The following RMC1 variants were observed in gnomAD, a reference collection of about 807,000 sequenced individuals.
RMC1 encodes the protein regulator of MON1-CCZ1 complex.
RMC1 carries 44 observed loss-of-function variants against 95.5 expected under a neutral mutation model. The observed-to-expected ratio is 0.46, with a 90% CI of 0.36 to 0.59. The LOEUF is 0.59. Ranked by LOEUF, RMC1 falls within the 20% of genes least tolerant of loss-of-function variation. The pLI, the probability that RMC1 is intolerant of heterozygous loss-of-function variation, is 0.00. For synonymous variants in RMC1, 320 were observed against 303.6 expected (o/e 1.05, Z -0.56); for missense variants, 705 against 819.6 (o/e 0.86, Z 1.71).
chr18:23,521,730 TCA>T (rs1273560871), intron 10 of RMC1, among the ~76,000 whole-genome samples: 1 of 151,588 alleles, frequency 6.6e-6, no homozygotes, highest in African/African-American at 2.4e-5. Context: ...CTTTATTTTC[TCA>T]CAGTTCTGGA....
chr18:23,527,900 T>C lies in RMC1; in HGVS notation c.1295T>C (p.Met432Thr). 3 of 1,612,872 alleles carry C rather than the reference T, an allele frequency of 1.9e-6. No individual in the cohort carries two copies. Among genetic ancestry groups the C allele is most frequent in the Non-Finnish European group, 2.5e-6 (3 of 1,179,162 alleles). Residue 432 changes from methionine (M) to threonine (T), a missense_variant and splice_region_variant, in exon 14 of 20, where the codon ATG becomes ACG. Physicochemically the swap from Met to Thr is moderately conservative, Grantham distance 81. Coordinates refer to ENST00000269221, the MANE Select transcript of RMC1 (RefSeq NM_013326.5). The part of the protein sequence containing the change: ...KYLDAEQSYA[M>T]AVEAGQSRSS... ...CTGGATGCCGAGCAGAGTTATGCGATGGTGAGTTACATGGAGTATGACAAA... is the reference window on the plus strand; with the variant it reads ...CTGGATGCCGAGCAGAGTTATGCGACGGTGAGTTACATGGAGTATGACAAA...
intron 4 of RMC1, among the ~76,000 whole-genome samples, 153 bp from the exon 5 acceptor site, chr18:23,509,040 T>C (rs907474855): frequency 6.6e-6 from 1 of 152,162 alleles, no homozygotes; most frequent in Non-Finnish European, 1.5e-5. Flanking sequence ...CAGGGAACAT[T>C]GTATTTAAAA....
chr18:23,503,613 C>T lies in RMC1; in HGVS notation c.-6C>T. On this transcript the variant is annotated 5_prime_UTR_variant, in exon 1 of 20. Coordinates refer to ENST00000269221, the MANE Select transcript of RMC1 (RefSeq NM_013326.5). ...CGGGGCCCCCGCCGCGGGCGCGGCG[C>T]CCGCCATGGGCGAGGAGGACTACTA... is the stretch of plus-strand genomic sequence containing the variant. 6.5e-7 allele frequency: 1 copy of T among 1,547,212 alleles called. No homozygotes were observed. The highest frequency in any genetic ancestry group is 8.7e-7 in the Non-Finnish European group (1 of 1,147,408).
At chr18:23,504,188 C>A (rs560875952) in intron 1 of RMC1, among the ~76,000 whole-genome samples, 183 bp from the exon 2 acceptor site, 1 of 152,362 alleles carries the variant, frequency 6.6e-6, no homozygotes, top group African/African-American at 2.4e-5. Context: ...GCATCCTTTT[C>A]GCTCTCTGCT....
At chr18:23,524,282 C>T (rs1042317243) in intron 11 of RMC1, 108 bp downstream of exon 11, 12 of 1,502,416 alleles carry the variant, frequency 8.0e-6, no homozygotes, top group Non-Finnish European at 1.1e-5. Context: ...CTCCGAGAGC[C>T]ACCCCGCAGG....
intron 10 of RMC1, among the ~76,000 whole-genome samples, chr18:23,522,024 A>AC (rs1203434113): frequency 1.3e-5 from 2 of 152,144 alleles, no homozygotes; most frequent in Non-Finnish European, 2.9e-5. Flanking sequence ...GGGCGGGTTG[A>AC]CCCAGCCTGC....
chr18:23,510,115 G>C (rs2057813604), intron 5 of RMC1, among the ~76,000 whole-genome samples: 2 of 151,548 alleles, frequency 1.3e-5, no homozygotes, highest in Non-Finnish European at 2.9e-5. Context: ...TTGAGTCCAG[G>C]AGTCTGAGAC....
rs1465876049 is a variant in RMC1 at position 23,516,002 on chromosome 18, A to T, written c.549+6A>T. The T allele has an allele frequency of 3.1e-6, 5 of 1,614,024 alleles. No individual in the cohort carries two copies. The highest frequency in any genetic ancestry group is 4.2e-6 in the Non-Finnish European group (5 of 1,180,018). ...TGCAGCCTTTTCACTTTAGGGTAAG[A>T]GGAAGCCTCCCCTGAAAAAAACACC... On this transcript the variant is annotated splice_donor_region_variant and intron_variant, in intron 6 of 19. Transcript: ENST00000269221.
At chr18:23,512,000 C>T (rs964915695) in intron 5 of RMC1, among the ~76,000 whole-genome samples, 13 of 150,900 alleles carry the variant, frequency 8.6e-5, no homozygotes, top group Non-Finnish European at 1.6e-4. Context: ...ATTTGCCAAC[C>T]TGAGAGGTAG....
At chr18:23,526,511 C>A in intron 12 of RMC1, 126 bp from the exon 13 acceptor site, 1 of 1,124,454 alleles carries the variant, frequency 8.9e-7, no homozygotes, top group Non-Finnish European at 1.3e-6. Context: ...AAAAGCTACA[C>A]TGACTGTACT....
intron 7 of RMC1, among the ~76,000 whole-genome samples, chr18:23,518,024 C>G (rs1434316508): frequency 6.6e-6 from 1 of 152,206 alleles, no homozygotes; most frequent in African/African-American, 2.4e-5. Flanking sequence ...AGCCAGCATT[C>G]CTGTTTAGAC....
intron 3 of RMC1, 94 bp from the exon 4 acceptor site, chr18:23,507,891 A>T: frequency 9.5e-7 from 1 of 1,057,296 alleles, no homozygotes; most frequent in Non-Finnish European, 1.3e-6. Flanking sequence ...TTTTAAGTTA[A>T]TATTTATTTT....
In RMC1 at chr18:23,530,302, C is replaced by T. The variant is rs772215641; in HGVS notation, c.1668+5C>T. ...CTATCTCTGGACATGCTGAAGGTAA[C>T]TCTGATGTGTGAGGTTTTAGACTAT... On this transcript the variant is annotated splice_donor_5th_base_variant and intron_variant, in intron 18 of 19. Coordinates refer to ENST00000269221, the MANE Select transcript of RMC1 (RefSeq NM_013326.5). 1 of 1,614,160 alleles carries T rather than the reference C, an allele frequency of 6.2e-7. No individual in the cohort carries two copies. Among genetic ancestry groups the T allele is most frequent in the Non-Finnish European group, 8.5e-7 (1 of 1,179,994 alleles).
At chr18:23,526,849 T>A (rs921924668) in intron 13 of RMC1, 84 bp downstream of exon 13, 3 of 1,522,650 alleles carry the variant, frequency 2.0e-6, no homozygotes, top group Non-Finnish European at 2.7e-6. Context: ...TGGGCTACAT[T>A]GTTGTGTCTT....
chr18:23,519,662 AATT>A (rs1465947595), intron 9 of RMC1, among the ~76,000 whole-genome samples: 1 of 152,220 alleles, frequency 6.6e-6, no homozygotes, highest in Admixed American at 6.5e-5. Flanking sequence ...GATTAAAGAT[AATT>A]CAAAACTATT....
In RMC1 at chr18:23,504,467, C is replaced by A; in HGVS notation, c.179+20C>A. ...ATTTAGGTAATGGTATAGACACTTTCAGATCATTTTGTCATGTAAACAGAA... is the reference window on the plus strand; with the variant it reads ...ATTTAGGTAATGGTATAGACACTTTAAGATCATTTTGTCATGTAAACAGAA... On this transcript the variant is annotated intron_variant, in intron 2 of 19. Coordinates refer to ENST00000269221, the MANE Select transcript of RMC1 (RefSeq NM_013326.5). 2 of 1,573,224 alleles carry A rather than the reference C, an allele frequency of 1.3e-6. No individual in the cohort carries two copies. The highest frequency in any genetic ancestry group is 2.2e-5 in the East Asian group (1 of 44,706).
At chr18:23,520,030 A>G (rs534751424) in intron 9 of RMC1, among the ~76,000 whole-genome samples, 172 bp from the exon 10 acceptor site, 18 of 152,320 alleles carry the variant, frequency 1.2e-4, no homozygotes, top group South Asian at 6.2e-4. Flanking sequence ...AAAATATTAA[A>G]AGAGAGTTGT....
intron 10 of RMC1, among the ~76,000 whole-genome samples, chr18:23,521,794 TC>T (rs914747885): frequency 6.6e-6 from 1 of 152,090 alleles, no homozygotes; most frequent in Non-Finnish European, 1.5e-5. Context: ...TTCTGAGGCC[TC>T]CCTCCTGGCA....
At chr18:23,523,819 T>G (rs73390299) in intron 10 of RMC1, among the ~76,000 whole-genome samples, 1 of 152,166 alleles carries the variant, frequency 6.6e-6, no homozygotes, top group Non-Finnish European at 1.5e-5. Flanking sequence ...CAAGTAAATT[T>G]CTCAGTTCCT....
Sources: allele counts gnomAD v4.1 joint callset (sites outside exome capture counted in the v4.1 genomes callset), GRCh38; gene constraint gnomAD v4.1.1; transcripts MANE v1.5; gene names NCBI Gene and HGNC (gene_info 2026-07-23, HGNC 2026-07-21).